PTPN3: variants seen among roughly 807,000 people sequenced by gnomAD.
PTPN3 encodes protein tyrosine phosphatase non-receptor type 3.
PTPN3 carries 96 observed loss-of-function variants against 132.7 expected under a neutral mutation model. The ratio of observed to expected loss-of-function variants is 0.72; its 90% confidence interval spans 0.61 to 0.86. The LOEUF is 0.86. Ranked by LOEUF, PTPN3 falls within the 40% of genes least tolerant of loss-of-function variation. The pLI, the probability that PTPN3 is intolerant of heterozygous loss-of-function variation, is 0.00. For missense variants in PTPN3, 1,125 were observed against 1,159.6 expected (o/e 0.97, Z 0.43); for synonymous variants, 398 against 429.0 (o/e 0.93, Z 0.89).
intron 19 of PTPN3, among the ~76,000 whole-genome samples, chr9:109,393,292 C>G (rs762160090): frequency 6.6e-6 from 1 of 151,254 alleles, no homozygotes; most frequent in Non-Finnish European, 1.5e-5. Flanking sequence ...TTTTATCTTA[C>G]TTTTTCATTA....
chr9:109,463,227 C>A, intron 2 of PTPN3, 70 bp downstream of exon 2: 2 of 1,372,868 alleles, frequency 1.5e-6, no homozygotes, highest in South Asian at 1.5e-5. Context: ...ATTTTGTGAG[C>A]CAAGAGATGA....
intron 19 of PTPN3, 84 bp from the exon 20 acceptor site, chr9:109,391,645 C>A: frequency 8.9e-7 from 1 of 1,118,250 alleles, no homozygotes; most frequent in Non-Finnish European, 1.3e-6. Flanking sequence ...TTCACAGTAC[C>A]AAAATCTTAA....
intron 1 of PTPN3, among the ~76,000 whole-genome samples, chr9:109,466,132 G>A (rs141491483): frequency 1.1e-3 from 170 of 152,250 alleles, no homozygotes; most frequent in African/African-American, 3.9e-3. Flanking sequence ...AGCCCCACAA[G>A]GCTAGGTCTG....
intron 5 of PTPN3, chr9:109,449,902 T>G: frequency 1.0e-6 from 1 of 985,430 alleles, no homozygotes; most frequent in Non-Finnish European, 1.2e-6. Flanking sequence ...CAACCTCCTA[T>G]TTGCACAGTT....
intron 19 of PTPN3, among the ~76,000 whole-genome samples, chr9:109,401,428 C>T (rs989147301): frequency 6.6e-6 from 1 of 152,238 alleles, no homozygotes; most frequent in African/African-American, 2.4e-5. Flanking sequence ...GAGGGTCACC[C>T]TCTGAGAAAC....
At chr9:109,494,865 G>A (rs187130651) in intron 1 of PTPN3, among the ~76,000 whole-genome samples, 40 of 152,190 alleles carry the variant, frequency 2.6e-4, no homozygotes, top group African/African-American at 7.5e-4. Flanking sequence ...TCAATTTGCT[G>A]TTAAATCTGT....
chr9:109,478,844 AGG>A (rs1441655262), intron 1 of PTPN3, among the ~76,000 whole-genome samples: 3 of 152,202 alleles, frequency 2.0e-5, no homozygotes, highest in African/African-American at 7.2e-5. Context: ...AGAGGGGACC[AGG>A]CTTCGCCCAT....
chr9:109,534,392 T>C, the PTPN3 span: 1 of 1,457,332 alleles, frequency 6.9e-7, no homozygotes. Context: ...CGGGGTGTGA[T>C]GGTAGCTAGG....
chr9:109,522,512 C>G, the PTPN3 span, among the ~76,000 whole-genome samples: 3 of 152,204 alleles, frequency 2.0e-5, no homozygotes, highest in Non-Finnish European at 4.4e-5. Context: ...AGCTATTACA[C>G]TAAACAAATA....
chr9:109,502,457 G>A (rs1175024428), upstream of PTPN3, among the ~76,000 whole-genome samples: 1 of 152,200 alleles, frequency 6.6e-6, no homozygotes, highest in East Asian at 1.9e-4. Flanking sequence ...AGAATATGAT[G>A]TAAAATACAC....
At chr9:109,502,710 C>G (rs1429962096), upstream of PTPN3, among the ~76,000 whole-genome samples, 1 of 152,158 alleles carries the variant, frequency 6.6e-6, no homozygotes, top group Non-Finnish European at 1.5e-5. Flanking sequence ...GTGGGAGGAT[C>G]ACTTGAGTCA....
At chr9:109,503,006 G>A (rs1847879301), upstream of PTPN3, among the ~76,000 whole-genome samples, 1 of 152,134 alleles carries the variant, frequency 6.6e-6, no homozygotes, top group Non-Finnish European at 1.5e-5. Context: ...AAGTCTTTGG[G>A]TGTCTATTTT....
chr9:109,454,236 G>A (rs1845443025), intron 5 of PTPN3, among the ~76,000 whole-genome samples: 1 of 152,078 alleles, frequency 6.6e-6, no homozygotes, highest in Non-Finnish European at 1.5e-5. Flanking sequence ...GAAGGAGGTG[G>A]GAGAGGTAGG....
intron 14 of PTPN3, among the ~76,000 whole-genome samples, chr9:109,412,398 A>G (rs117440607): frequency 0.039 from 5,765 of 149,628 alleles, 143 homozygotes; most frequent in East Asian, 0.15. Flanking sequence ...TTTTTGAGTC[A>G]AAGTCTCGCT....
intron 14 of PTPN3, among the ~76,000 whole-genome samples, chr9:109,412,290 C>A (rs1842137194): frequency 6.6e-6 from 1 of 152,028 alleles, no homozygotes; most frequent in Admixed American, 6.6e-5. Flanking sequence ...CTCACTGCAG[C>A]CTCGATTTCC....
chr9:109,473,571 G>C (rs1181305980), intron 1 of PTPN3, among the ~76,000 whole-genome samples: 6 of 152,164 alleles, frequency 3.9e-5, no homozygotes, highest in African/African-American at 1.4e-4. Context: ...TCGGGAAAGA[G>C]GTAATGTTGC....
intron 13 of PTPN3, among the ~76,000 whole-genome samples, chr9:109,421,009 A>G (rs1165801988): frequency 6.6e-6 from 1 of 152,264 alleles, no homozygotes; most frequent in Non-Finnish European, 1.5e-5. Flanking sequence ...GTTAGAAGCC[A>G]AACTACATTT....
upstream of PTPN3, among the ~76,000 whole-genome samples, chr9:109,503,187 C>T (rs1847880923): frequency 6.6e-6 from 1 of 152,096 alleles, no homozygotes; most frequent in Admixed American, 6.5e-5. Context: ...GAGGGTGAAG[C>T]CCACCCTGCC....
At chr9:109,533,815 C>T in the PTPN3 span, 1 of 930,280 alleles carries the variant, frequency 1.1e-6, no homozygotes, top group East Asian at 2.4e-5. Context: ...GCTCCCATCC[C>T]TCGTTCTTTC....
Sources: gnomAD v4.1 joint callset for allele counts (sites outside exome capture counted in the v4.1 genomes callset) on GRCh38, gnomAD v4.1.1 for gene constraint, MANE v1.5 for transcripts, NCBI Gene and HGNC (gene_info 2026-07-23, HGNC 2026-07-21) for gene names.